Variants in FAM193A observed in about 807,000 individuals in gnomAD.
The protein encoded by FAM193A is protein FAM193A.
A neutral mutation model predicts 126.5 loss-of-function variants in FAM193A; 22 were observed. That is an observed-to-expected ratio of 0.17 (90% CI 0.12 to 0.25). The LOEUF (loss-of-function observed/expected upper bound fraction) is 0.25. Among genes scored for constraint, FAM193A ranks in the 10% least tolerant of loss-of-function variants. FAM193A has a pLI of 1.00. For synonymous variants in FAM193A, 761 were observed against 646.8 expected (o/e 1.18, Z -2.68); for missense variants, 1,675 against 1,672.8 (o/e 1.00, Z -0.02).
At chr4:2,684,386 C>T (rs1158239455) in intron 13 of FAM193A, among the ~76,000 whole-genome samples, 1 of 151,658 alleles carries the variant, frequency 6.6e-6, no homozygotes, top group African/African-American at 2.4e-5. Context: ...TTTTTTTTTC[C>T]AAAGATACTT....
intron 1 of FAM193A, among the ~76,000 whole-genome samples, chr4:2,556,532 G>A (rs1257070070): frequency 1.3e-5 from 2 of 152,130 alleles, no homozygotes; most frequent in East Asian, 1.9e-4. Flanking sequence ...AATAAAAGAA[G>A]GGAGTCAGGT....
chr4:2,626,734 A>G (rs1743002439), intron 4 of FAM193A, among the ~76,000 whole-genome samples, 157 bp downstream of exon 4: 1 of 152,144 alleles, frequency 6.6e-6, no homozygotes, highest in Non-Finnish European at 1.5e-5. Context: ...GAACTGGCAA[A>G]AGTGAGCCCC....
At chr4:2,555,558 C>T (rs1738196668) in intron 1 of FAM193A, among the ~76,000 whole-genome samples, 1 of 152,216 alleles carries the variant, frequency 6.6e-6, no homozygotes, top group African/African-American at 2.4e-5. Flanking sequence ...GCAGGAGGAT[C>T]CCTTGAGCCC....
Position 2,596,308 on chromosome 4 carries a change from T to G in FAM193A, c.480T>G (p.His160Gln), listed in dbSNP as rs1418995596. ...CRRTVEKEER[H>Q]GGLDQPVSQD... ...GGACCGTGGAGAAGGAGGAGAGGCA[T>G]GGCGGCCTTGACCAGCCAGTGGTGA... is the stretch of plus-strand genomic sequence containing the variant. The change falls in exon 2 of 21, where the codon CAT becomes CAG. Residue 160 changes from histidine (H) to glutamine (Q), a missense_variant. By Grantham distance (24) the His-to-Gln change is conservative (BLOSUM62 0). Around this residue, in one of 4 missense-constraint regions of FAM193A, gnomAD observed 1,186 missense variants for 1,109.2 expected, o/e 1.07. Transcript: ENST00000637812. 1 of 702,612 alleles carries G rather than the reference T, an allele frequency of 1.4e-6. No individual in the cohort carries two copies. The highest frequency in any genetic ancestry group is 2.7e-5 in the East Asian group (1 of 37,290). 43.5% of individuals were successfully genotyped at this position (702,612 alleles called of 1,614,324 possible).
At chr4:2,601,356 C>T (rs1741187489) in intron 2 of FAM193A, among the ~76,000 whole-genome samples, 1 of 151,370 alleles carries the variant, frequency 6.6e-6, no homozygotes, top group Non-Finnish European at 1.5e-5. Context: ...ACTCAGCCTC[C>T]CGAGTAGCTG....
chr4:2,594,186 A>G (rs930776826), intron 1 of FAM193A, among the ~76,000 whole-genome samples: 8 of 152,138 alleles, frequency 5.3e-5, no homozygotes, highest in Non-Finnish European at 8.8e-5. Context: ...TTCAATCACT[A>G]ATTCATTCAT....
At chr4:2,707,808 C>T (rs116406617) in intron 19 of FAM193A, among the ~76,000 whole-genome samples, 4,644 of 150,328 alleles carry the variant, frequency 0.031, 218 homozygotes, top group African/African-American at 0.11. Context: ...TGCCTCACTG[C>T]GGACTTTATT....
intron 19 of FAM193A, among the ~76,000 whole-genome samples, chr4:2,710,299 C>T (rs1442582544): frequency 2.0e-5 from 3 of 150,384 alleles, no homozygotes; most frequent in Admixed American, 6.6e-5. Flanking sequence ...CTCAGCCTCC[C>T]GAGTAGCTGA....
intron 5 of FAM193A, among the ~76,000 whole-genome samples, chr4:2,638,359 G>T (rs1289863550): frequency 6.6e-6 from 1 of 152,174 alleles, no homozygotes; most frequent in Non-Finnish European, 1.5e-5. Context: ...ATTATTACAA[G>T]CACATTTGTG....
At chr4:2,536,581 G>A (rs1736882818), upstream of FAM193A, 1 of 145,788 alleles carries the variant, frequency 6.9e-6, no homozygotes, top group East Asian at 2.1e-4. Context: ...GGTGGGGGTG[G>A]GGGGTGGGGG....
At chr4:2,655,207 T>G (rs1711533233) in intron 7 of FAM193A, 1 of 572,932 alleles carries the variant, frequency 1.7e-6, no homozygotes, top group Admixed American at 2.8e-5. Flanking sequence ...AAGTTTACCT[T>G]TATTTCTAGT....
At position 2,565,788 on chromosome 4, in the gene FAM193A, C is replaced by T. The variant is rs114930203; in HGVS notation, c.255+28618C>T. On this transcript the variant is annotated intron_variant, in intron 1 of 20. Coordinates refer to ENST00000637812, the MANE Select transcript of FAM193A (RefSeq NM_001366318.2). ...ACATCTTCACAATATTTTGTAATGA[C>T]GGGGGAGTAACTGAAAGTACTTGGC... Among the ~76,000 whole-genome samples, 1,307 of 152,202 alleles carry T rather than the reference C, an allele frequency of 8.6e-3. 16 individuals carry two copies. The highest frequency in any genetic ancestry group is 0.03 in the African/African-American group (1,248 of 41,532).
intron 2 of FAM193A, among the ~76,000 whole-genome samples, chr4:2,596,756 G>GCA (rs1380177484): frequency 2.6e-4 from 20 of 76,882 alleles, no homozygotes; most frequent in Non-Finnish European, 4.2e-4. Flanking sequence ...GGCCACAGCA[G>GCA]GCTTGGCTGG....
intron 16 of FAM193A, 119 bp downstream of exon 16, chr4:2,693,993 G>A (rs750554495): frequency 6.0e-5 from 66 of 1,093,596 alleles, no homozygotes; most frequent in Non-Finnish European, 7.5e-5. Flanking sequence ...GTGAAATGCC[G>A]AGGGAATGCA....
chr4:2,569,456 T>C (rs962114552), intron 1 of FAM193A, among the ~76,000 whole-genome samples: 2 of 152,182 alleles, frequency 1.3e-5, no homozygotes, highest in African/African-American at 4.8e-5. Flanking sequence ...TTAAGCACAG[T>C]TGTGCAGATG....
At chr4:2,537,884 G>C (rs865781240) in intron 1 of FAM193A, among the ~76,000 whole-genome samples, 2 of 152,172 alleles carry the variant, frequency 1.3e-5, no homozygotes, top group African/African-American at 4.8e-5. Context: ...GAATTTGAAA[G>C]GTGATTTTTT....
chr4:2,637,640 G>A (rs1007924310), intron 5 of FAM193A, among the ~76,000 whole-genome samples: 15 of 152,204 alleles, frequency 9.9e-5, no homozygotes, highest in African/African-American at 3.6e-4. Flanking sequence ...CTCTAGCTCA[G>A]CAGTTCTTCC....
intron 2 of FAM193A, among the ~76,000 whole-genome samples, chr4:2,616,276 A>T (rs74449772): frequency 0.029 from 4,367 of 152,212 alleles, 225 homozygotes; most frequent in African/African-American, 0.099. Context: ...CCTTGTTGTG[A>T]AGCAAACTTT....
intron 6 of FAM193A, among the ~76,000 whole-genome samples, chr4:2,645,886 A>G (rs943299217): frequency 1.3e-5 from 2 of 152,218 alleles, no homozygotes; most frequent in Admixed American, 1.3e-4. Flanking sequence ...TATTTCTTCA[A>G]GTAAATCAGA....
Sources: allele counts gnomAD v4.1 joint callset (sites outside exome capture counted in the v4.1 genomes callset), GRCh38; gene constraint gnomAD v4.1.1; regional missense constraint gnomAD v4.1.1; transcripts MANE v1.5; gene names NCBI Gene and HGNC (gene_info 2026-07-23, HGNC 2026-07-21).